Variants in SNX6 observed in about 807,000 individuals in gnomAD.
SNX6 encodes the protein sorting nexin 6, also known as sorting nexin-6.
A neutral mutation model predicts 63.0 loss-of-function variants in SNX6; 34 were observed. The ratio of observed to expected loss-of-function variants is 0.54; its 90% CI spans 0.41 to 0.72. The LOEUF (loss-of-function observed/expected upper bound fraction) is 0.72. SNX6 is among the 30% of genes least tolerant of loss of function. The pLI, the probability that SNX6 is intolerant of heterozygous loss-of-function variation, is 0.00. For missense variants in SNX6, 398 were observed against 471.4 expected (o/e 0.84, Z 1.44); for synonymous variants, 170 against 164.2 (o/e 1.04, Z -0.27).
At chr14:34,574,377 T>C (rs1343325710) in intron 11 of SNX6, among the ~76,000 whole-genome samples, 1 of 149,210 alleles carries the variant, frequency 6.7e-6, no homozygotes, top group South Asian at 2.1e-4. Context: ...TTTCGCAGTA[T>C]GTGGCTCATG....
At chr14:34,627,590 A>T (rs1025795991) in intron 2 of SNX6, among the ~76,000 whole-genome samples, 2 of 151,914 alleles carry the variant, frequency 1.3e-5, no homozygotes, top group African/African-American at 4.8e-5. Flanking sequence ...GAATGAATCC[A>T]GTGATTCTCC....
chr14:34,605,361 G>A, intron 5 of SNX6: 1 of 278,100 alleles, frequency 3.6e-6, no homozygotes, highest in Non-Finnish European at 6.6e-6. Flanking sequence ...AACTTTCAGG[G>A]TCTATTTCAA....
intron 4 of SNX6, among the ~76,000 whole-genome samples, chr14:34,606,637 A>G (rs186100128): frequency 6.6e-5 from 10 of 152,038 alleles, no homozygotes; most frequent in South Asian, 4.2e-4. Flanking sequence ...TTTTTAGTAG[A>G]GATGCGGTTT....
At chr14:34,564,127 A>C (rs1288304462) in intron 13 of SNX6, among the ~76,000 whole-genome samples, 1 of 152,134 alleles carries the variant, frequency 6.6e-6, no homozygotes, top group African/African-American at 2.4e-5. Flanking sequence ...TCCCGGGTTC[A>C]AGCGATCCTT....
chr14:34,629,548 C>A, intron 2 of SNX6: 1 of 545,586 alleles, frequency 1.8e-6, no homozygotes, highest in Non-Finnish European at 3.5e-6. Flanking sequence ...TGGGAAGGTC[C>A]GAGAATGGGT....
At chr14:34,594,807 T>C (rs970522456) in intron 7 of SNX6, among the ~76,000 whole-genome samples, 1 of 152,132 alleles carries the variant, frequency 6.6e-6, no homozygotes, top group East Asian at 1.9e-4. Context: ...GACTGAAATC[T>C]GTAATTCAGC....
At chr14:34,595,918 A>C (rs926468317) in intron 7 of SNX6, among the ~76,000 whole-genome samples, 11 of 152,186 alleles carry the variant, frequency 7.2e-5, no homozygotes, top group Admixed American at 7.2e-4. Context: ...AACATCATTA[A>C]GAAAAGTATA....
At chr14:34,587,357 C>A (rs868614128) in intron 8 of SNX6, among the ~76,000 whole-genome samples, 2 of 151,402 alleles carry the variant, frequency 1.3e-5, no homozygotes, top group African/African-American at 4.8e-5. Flanking sequence ...ACGGTGAAAC[C>A]CCATCTCTAC....
chr14:34,629,246 T>C (rs567101063), intron 2 of SNX6, among the ~76,000 whole-genome samples: 20 of 152,130 alleles, frequency 1.3e-4, no homozygotes, highest in Admixed American at 9.8e-4. Flanking sequence ...CTTAAGTATA[T>C]ACAATTATCA....
At chr14:34,563,737 T>TC (rs71121208) in intron 13 of SNX6, among the ~76,000 whole-genome samples, 6 of 149,276 alleles carry the variant, frequency 4.0e-5, no homozygotes, top group Non-Finnish European at 8.9e-5. Context: ...TCAGTAAATT[T>TC]TTTTTCTTTT....
At chr14:34,565,007 TC>T (rs1881106937) in intron 13 of SNX6, among the ~76,000 whole-genome samples, 1 of 152,018 alleles carries the variant, frequency 6.6e-6, no homozygotes, top group Non-Finnish European at 1.5e-5. Flanking sequence ...TTGGCTGCGT[TC>T]CAATAAAATT....
chr14:34,586,091 C>CG (rs1389780712), intron 9 of SNX6, 139 bp downstream of exon 9: 1 of 392,448 alleles, frequency 2.5e-6, no homozygotes, highest in African/African-American at 2.1e-5. Flanking sequence ...TTAGTAGAGA[C>CG]GGGGTTTCAC....
At chr14:34,600,960 C>T (rs1008553466) in intron 6 of SNX6, among the ~76,000 whole-genome samples, 2 of 151,192 alleles carry the variant, frequency 1.3e-5, no homozygotes, top group African/African-American at 4.9e-5. Context: ...AGAGGTTGTA[C>T]TGAGTCGATA....
chr14:34,574,408 G>A (rs1379334731), intron 11 of SNX6, among the ~76,000 whole-genome samples: 1 of 150,604 alleles, frequency 6.6e-6, no homozygotes, highest in Non-Finnish European at 1.5e-5. Context: ...CCAGCACTTT[G>A]GGAGGCCAAG....
intron 2 of SNX6, among the ~76,000 whole-genome samples, chr14:34,618,709 C>T (rs1445294937): frequency 6.6e-6 from 1 of 151,988 alleles, no homozygotes; most frequent in African/African-American, 2.4e-5. Context: ...ACCGCTGGTT[C>T]CCTCTGCCTG....
At chr14:34,608,682 G>T (rs1019067930) in intron 3 of SNX6, among the ~76,000 whole-genome samples, 3 of 152,052 alleles carry the variant, frequency 2.0e-5, no homozygotes, top group African/African-American at 7.2e-5. Context: ...TTCAAACAAA[G>T]GAAAGAAATC....
At chr14:34,581,641 T>A (rs1322663703) in intron 9 of SNX6, 41 bp from the exon 10 acceptor site, 3 of 1,245,844 alleles carry the variant, frequency 2.4e-6, no homozygotes, top group African/African-American at 3.0e-5. Flanking sequence ...ACATTCAAAG[T>A]AATTTTCCAT....
At chr14:34,582,554 G>T (rs1196551596) in intron 9 of SNX6, among the ~76,000 whole-genome samples, 1 of 151,796 alleles carries the variant, frequency 6.6e-6, no homozygotes, top group African/African-American at 2.4e-5. Flanking sequence ...TGTTTTTGTT[G>T]TTGTTGTTGT....
intron 2 of SNX6, among the ~76,000 whole-genome samples, chr14:34,610,483 G>A (rs1883187505): frequency 6.7e-6 from 1 of 150,188 alleles, no homozygotes; most frequent in African/African-American, 2.5e-5. Context: ...ATAATAAGAA[G>A]ACTATCAAGC....
Sources: gnomAD v4.1 joint callset for allele counts (sites outside exome capture counted in the v4.1 genomes callset) on GRCh38, gnomAD v4.1.1 for gene constraint, MANE v1.5 for transcripts, NCBI Gene and HGNC (gene_info 2026-07-23, HGNC 2026-07-21) for gene names.